GRK5: variants seen among roughly 807,000 people sequenced by gnomAD.
GRK5 encodes g protein-coupled receptor kinase GRK5.
A neutral mutation model predicts 78.4 loss-of-function variants in GRK5; 40 were observed. The ratio of observed to expected loss-of-function variants is 0.51; its 90% CI spans 0.40 to 0.66. GRK5 has a LOEUF of 0.66. Among genes scored for constraint, GRK5 ranks in the 30% least tolerant of loss-of-function variants. GRK5 has a pLI of 0.00. For synonymous variants in GRK5, 289 were observed against 296.8 expected, an observed-to-expected ratio of 0.97 and a Z score of 0.27; for missense variants, 598 against 759.9, an observed-to-expected ratio of 0.79 and a Z score of 2.50.
At chr10:119,313,038 A>C (rs61874519) in intron 1 of GRK5, among the ~76,000 whole-genome samples, 27 of 8,204 alleles carry the variant, frequency 3.3e-3, no homozygotes, top group East Asian at 0.025. Flanking sequence ...GGCAGTGGTG[A>C]TGGTGGTGGT....
rs59889013 is a variant in GRK5 at position 119,430,128 on chromosome 10, G to C, written c.534-247G>C. On this transcript the variant is annotated intron_variant, in intron 6 of 15. Coordinates refer to ENST00000392870, the MANE Select transcript of GRK5 (RefSeq NM_005308.3). This position sits in a 1 kb window ranked among gnomAD's most constrained non-coding sequence, Gnocchi z 4.5. ...TTTTCAAGCTTTCTGAGCAAGCGAG[G>C]CTTGTGCATCCCCCAGCTTGCAGGG... 6.6e-6 allele frequency among the ~76,000 whole-genome samples: 1 copy of C among 152,180 alleles called. No individual in the cohort carries two copies. Among genetic ancestry groups the C allele is most frequent in the African/African-American group, 2.4e-5 (1 of 41,458 alleles).
chr10:119,260,018 G>A (rs991829386), intron 1 of GRK5, among the ~76,000 whole-genome samples: 93 of 139,616 alleles, frequency 6.7e-4, no homozygotes, highest in African/African-American at 2.4e-3. Context: ...TTTTTTTTTT[G>A]AGACGGAGTC....
intron 2 of GRK5, among the ~76,000 whole-genome samples, chr10:119,327,652 T>C (rs1342579734): frequency 6.6e-6 from 1 of 152,198 alleles, no homozygotes; most frequent in African/African-American, 2.4e-5. Flanking sequence ...CTTCACGGTC[T>C]GTCCCCACCA....
At chr10:119,334,752 A>T (rs897313958) in intron 2 of GRK5, 1 of 152,114 alleles carries the variant, frequency 6.6e-6, no homozygotes, top group Admixed American at 6.5e-5. Context: ...ACTGTTTGGC[A>T]ATATTTCTGT....
intron 4 of GRK5, among the ~76,000 whole-genome samples, chr10:119,404,979 CT>C (rs1454639341): frequency 1.3e-5 from 2 of 152,236 alleles, no homozygotes; most frequent in Admixed American, 1.3e-4. Context: ...GGCAGTGTTA[CT>C]TGTAGGACAT....
At chr10:119,372,057 CCT>C (rs369679341) in intron 2 of GRK5, among the ~76,000 whole-genome samples, 329 of 152,334 alleles carry the variant, frequency 2.2e-3, no homozygotes, top group African/African-American at 7.4e-3. Context: ...ACATCCCTGG[CCT>C]CCACCCACTA....
chr10:119,245,417 T>G (rs1564861600), intron 1 of GRK5, among the ~76,000 whole-genome samples: 1 of 152,214 alleles, frequency 6.6e-6, no homozygotes, highest in Non-Finnish European at 1.5e-5. Context: ...AACTGTGGCG[T>G]GTTCGTGCAA....
chr10:119,242,851 T>TC (rs1240322364), intron 1 of GRK5, among the ~76,000 whole-genome samples: 2 of 151,338 alleles, frequency 1.3e-5, no homozygotes, highest in African/African-American at 2.4e-5. Context: ...TTTCCTGAGC[T>TC]CCCCCCGCCC....
rs756503237 is a variant in GRK5, at chr10:119,443,670, A to G, written c.1184A>G (p.Glu395Gly). Residue 395 changes from glutamate to glycine, a missense_variant, in exon 12 of 16, where the codon GAG becomes GGG. Coordinates refer to ENST00000392870, the MANE Select transcript of GRK5 (RefSeq NM_005308.3). ...FRGRKEKVKR[E>G]EVDRRVLETE... ...GGCCGCAAGGAGAAGGTGAAGCGGG[A>G]GGAGGTGGACCGCCGGGTCCTGGAG... is the stretch of plus-strand genomic sequence containing the variant. The G allele has an allele frequency of 3.7e-6, 6 of 1,613,422 alleles. No individual in the cohort carries two copies. The highest frequency in any genetic ancestry group is 1.1e-5 in the South Asian group (1 of 91,088).
intron 4 of GRK5, among the ~76,000 whole-genome samples, chr10:119,413,587 G>A (rs995425311): frequency 6.6e-6 from 1 of 151,992 alleles, no homozygotes; most frequent in East Asian, 1.9e-4. Flanking sequence ...GGGCATTTGC[G>A]GAACCCTCAC....
At chr10:119,372,974 C>T (rs779928529) in intron 2 of GRK5, among the ~76,000 whole-genome samples, 4 of 152,184 alleles carry the variant, frequency 2.6e-5, no homozygotes, top group Non-Finnish European at 5.9e-5. Context: ...GGTTCGTGGA[C>T]TGATTTTACT....
intron 1 of GRK5, among the ~76,000 whole-genome samples, chr10:119,320,504 A>G (rs1850566334): frequency 6.6e-6 from 1 of 152,250 alleles, no homozygotes; most frequent in African/African-American, 2.4e-5. Flanking sequence ...ACAGAGACAG[A>G]CAGACTGACC....
chr10:119,323,836 C>T (rs985135393), intron 1 of GRK5, among the ~76,000 whole-genome samples: 1 of 152,032 alleles, frequency 6.6e-6, no homozygotes, highest in Non-Finnish European at 1.5e-5. Flanking sequence ...AGTCTTTTAT[C>T]CCTCACCTCC....
In GRK5 at chr10:119,445,431, C is replaced by T; in HGVS notation, c.1266+1679C>T. 6.6e-6 allele frequency among the ~76,000 whole-genome samples: 1 copy of T among 152,066 alleles called. No homozygotes were observed. Among genetic ancestry groups the T allele is most frequent in the South Asian group, 2.1e-4 (1 of 4,824 alleles). ...AGGCGGAGAGGGCCCCAGTCCCACCCCCAGACCCCAGACACCCACCTTGGC... is the reference window on the plus strand; with the variant it reads ...AGGCGGAGAGGGCCCCAGTCCCACCTCCAGACCCCAGACACCCACCTTGGC... On this transcript the variant is annotated intron_variant, in intron 12 of 15. Coordinates refer to ENST00000392870, the MANE Select transcript of GRK5 (RefSeq NM_005308.3). The surrounding 1 kb of genome is among the most constrained non-coding windows in gnomAD (Gnocchi z 4.1).
intron 4 of GRK5, among the ~76,000 whole-genome samples, chr10:119,420,572 C>CTT (rs534550170): frequency 4.9e-5 from 7 of 143,362 alleles, no homozygotes; most frequent in African/African-American, 1.5e-4. Flanking sequence ...CTTTTTCTTT[C>CTT]TTTTTTTTTT....
At chr10:119,321,342 T>A (rs189676279) in intron 1 of GRK5, among the ~76,000 whole-genome samples, 3 of 152,194 alleles carry the variant, frequency 2.0e-5, no homozygotes, top group African/African-American at 7.2e-5. Context: ...ACACCACACA[T>A]TTAGTATCTT....
chr10:119,271,371 C>T lies in GRK5; in HGVS notation c.53-55145C>T, dbSNP rs114747525. Reference sequence around the variant, plus strand: ...TCTCTTTACCAAGTTCTCTGCATAGCCTTTTGCCTTCTATTGTTTGCTGTC... The same window carrying T: ...TCTCTTTACCAAGTTCTCTGCATAGTCTTTTGCCTTCTATTGTTTGCTGTC... On this transcript the variant is annotated intron_variant, in intron 1 of 15. Transcript: ENST00000392870. This position sits in a 1 kb window ranked among gnomAD's most constrained non-coding sequence, Gnocchi z 4.1. Among the ~76,000 whole-genome samples, 674 of 152,328 alleles carry T rather than the reference C, an allele frequency of 4.4e-3. 2 individuals are homozygous for T. The highest frequency in any genetic ancestry group is 0.016 in the African/African-American group (645 of 41,570).
intron 1 of GRK5, among the ~76,000 whole-genome samples, chr10:119,240,965 G>A (rs747585837): frequency 1.8e-4 from 28 of 152,216 alleles, no homozygotes; most frequent in Non-Finnish European, 4.0e-4. Flanking sequence ...CAGATGCCCA[G>A]GCCAAAGGGC....
In GRK5 at chr10:119,430,393, C is replaced by T. The variant is rs769918540; in HGVS notation, c.552C>T (p.Asn184=). Residue 184 remains asparagine (N), a synonymous_variant, in exon 7 of 16, where the codon AAC becomes AAT. Transcript: ENST00000392870. This position sits in a 1 kb window ranked among gnomAD's most constrained non-coding sequence, Gnocchi z 4.5. ...KWLERQPVTK[N]TFRQYRVLGK... is the part of the protein sequence containing the mutation. ...CTTCCAGGCAACCGGTGACCAAAAA[C>T]ACTTTCAGGCAGTATCGAGTGCTAG... 6.2e-7 allele frequency: 1 copy of T among 1,613,660 alleles called. No homozygotes were observed. Among genetic ancestry groups the T allele is most frequent in the South Asian group, 1.1e-5 (1 of 90,930 alleles).
Sources: gnomAD v4.1 joint callset for allele counts (sites outside exome capture counted in the v4.1 genomes callset) on GRCh38, gnomAD v4.1.1 for gene constraint, Gnocchi (gnomAD v3.1) non-coding constraint, MANE v1.5 for transcripts, NCBI Gene and HGNC (gene_info 2026-07-23, HGNC 2026-07-21) for gene names.